Variants in CSMD3 observed in about 807,000 individuals in gnomAD.
CSMD3 encodes the protein CUB and Sushi multiple domains 3.
In CSMD3, 177 loss-of-function variants were observed where a neutral mutation model predicts 435.2. That is an observed-to-expected ratio of 0.41 (90% CI 0.36 to 0.46). CSMD3 has a LOEUF of 0.46. Ranked by LOEUF, CSMD3 falls within the 20% of genes least tolerant of loss-of-function variation. The pLI is 0.34. For synonymous variants in CSMD3, 1,656 were observed against 1,520.5 expected (o/e 1.09, Z -2.07); for missense variants, 4,265 against 4,504.6 (o/e 0.95, Z 1.52).
chr8:113,151,042 T>A lies in CSMD3; in HGVS notation c.709+22680A>T, dbSNP rs57075842. On this transcript the variant is annotated intron_variant, in intron 4 of 70. Transcript: ENST00000297405. ...AGATATCTTTTGAGAGATCAAATAATCTCCCATTAATCAATAAATAAATAT... is the reference window on the plus strand; with the variant it reads ...AGATATCTTTTGAGAGATCAAATAAACTCCCATTAATCAATAAATAAATAT... Among the ~76,000 whole-genome samples the A allele has an allele frequency of 3.6e-3, 540 of 152,024 alleles. 3 individuals are homozygous for A. The highest frequency in any genetic ancestry group is 0.012 in the African/African-American group (503 of 41,528).
intron 13 of CSMD3, among the ~76,000 whole-genome samples, chr8:112,692,337 T>C (rs1384832531): frequency 6.6e-6 from 1 of 152,178 alleles, no homozygotes; most frequent in Non-Finnish European, 1.5e-5. Context: ...TTGTAGCTTA[T>C]GTTTTGGTTT....
At chr8:112,486,527 A>C (rs1382777044) in intron 31 of CSMD3, among the ~76,000 whole-genome samples, 5 of 152,126 alleles carry the variant, frequency 3.3e-5, no homozygotes, top group African/African-American at 1.2e-4. Flanking sequence ...ATCTGTCAAC[A>C]ATCCTCCTCC....
chr8:113,030,501 C>T (rs1254607157), intron 5 of CSMD3, among the ~76,000 whole-genome samples: 1 of 147,720 alleles, frequency 6.8e-6, no homozygotes, highest in Non-Finnish European at 1.5e-5. Flanking sequence ...AACCCAAATC[C>T]TTATAGCTAA....
intron 1 of CSMD3, among the ~76,000 whole-genome samples, chr8:113,412,927 G>A (rs904611984): frequency 1.3e-5 from 2 of 152,046 alleles, no homozygotes; most frequent in East Asian, 3.9e-4. Flanking sequence ...TCATGCACAC[G>A]GACACTAGAG....
intron 9 of CSMD3, among the ~76,000 whole-genome samples, chr8:112,945,006 TTAACA>T (rs2083560429): frequency 6.6e-6 from 1 of 151,714 alleles, no homozygotes; most frequent in African/African-American, 2.4e-5. Flanking sequence ...AACTAATCAC[TTAACA>T]TATCTGCCTA....
intron 3 of CSMD3, among the ~76,000 whole-genome samples, chr8:113,217,311 AC>A (rs1366306844): frequency 6.6e-6 from 1 of 151,702 alleles, no homozygotes; most frequent in Admixed American, 6.6e-5. Context: ...AAACAAAACT[AC>A]CAAAACCTTG....
chr8:113,082,537 C>T (rs772064699), intron 5 of CSMD3, among the ~76,000 whole-genome samples: 30 of 151,906 alleles, frequency 2.0e-4, no homozygotes, highest in Non-Finnish European at 3.8e-4. Context: ...AGTGTGTACA[C>T]CAGGTACACA....
At chr8:112,668,525 A>G (rs189788501) in intron 16 of CSMD3, among the ~76,000 whole-genome samples, 1 of 152,306 alleles carries the variant, frequency 6.6e-6, no homozygotes, top group African/African-American at 2.4e-5. Flanking sequence ...CTAGCCACTC[A>G]GTGCAAAATG....
chr8:112,705,995 T>C (rs967162453), intron 13 of CSMD3, among the ~76,000 whole-genome samples: 1 of 152,080 alleles, frequency 6.6e-6, no homozygotes, highest in African/African-American at 2.4e-5. Context: ...AAGGAACTCC[T>C]TGACATTTGT....
At chr8:113,179,747 G>A (rs562083445) in intron 3 of CSMD3, among the ~76,000 whole-genome samples, 1 of 151,522 alleles carries the variant, frequency 6.6e-6, no homozygotes, top group East Asian at 1.9e-4. Flanking sequence ...CATATATAAA[G>A]GACTATAGGA....
chr8:112,433,059 A>G (rs2130417288), intron 32 of CSMD3, among the ~76,000 whole-genome samples: 1 of 152,294 alleles, frequency 6.6e-6, no homozygotes, highest in South Asian at 2.1e-4. Flanking sequence ...CATGAATTAC[A>G]GGAACAGAAA....
chr8:112,254,238 A>G lies in CSMD3; in HGVS notation c.10110+15T>C, dbSNP rs1004852947. The G allele has an allele frequency of 4.4e-6, 7 of 1,595,374 alleles. No homozygotes were observed. The highest frequency in any genetic ancestry group is 4.3e-6 in the Non-Finnish European group (5 of 1,163,362). On this transcript the variant is annotated intron_variant, in intron 63 of 70. Transcript: ENST00000297405. Reference sequence around the variant, plus strand: ...ACCTAGTATGATGCTAAATGGACATAGCTAAAGTACCCACTTGAAATCCGA... The same window carrying G: ...ACCTAGTATGATGCTAAATGGACATGGCTAAAGTACCCACTTGAAATCCGA...
chr8:112,466,626 C>G (rs1817981201), intron 32 of CSMD3, among the ~76,000 whole-genome samples: 1 of 152,118 alleles, frequency 6.6e-6, no homozygotes, highest in Admixed American at 6.5e-5. Flanking sequence ...AGTATGTATG[C>G]ATCTTATTTT....
At chr8:112,966,949 T>C (rs148288968) in intron 7 of CSMD3, among the ~76,000 whole-genome samples, 233 of 152,084 alleles carry the variant, frequency 1.5e-3, no homozygotes, top group African/African-American at 5.3e-3. Flanking sequence ...CTATGAGGAA[T>C]AGACAGTGTT....
intron 1 of CSMD3, among the ~76,000 whole-genome samples, chr8:113,341,828 C>T (rs950928289): frequency 2.6e-5 from 4 of 152,122 alleles, no homozygotes; most frequent in Non-Finnish European, 5.9e-5. Flanking sequence ...ATTGTCTAGA[C>T]TGACGAACAC....
intron 4 of CSMD3, among the ~76,000 whole-genome samples, chr8:113,155,271 C>G (rs1463377902): frequency 6.6e-6 from 1 of 151,966 alleles, no homozygotes; most frequent in Non-Finnish European, 1.5e-5. Context: ...GAACCATTCT[C>G]CAGTTCCTTA....
intron 1 of CSMD3, among the ~76,000 whole-genome samples, chr8:113,395,790 AC>A (rs1456554950): frequency 1.3e-5 from 2 of 152,094 alleles, no homozygotes; most frequent in African/African-American, 4.8e-5. Context: ...CTGATCTTGT[AC>A]CTTTGCTAAA....
intron 3 of CSMD3, among the ~76,000 whole-genome samples, chr8:113,181,469 A>C (rs1052717350): frequency 6.6e-6 from 1 of 152,112 alleles, no homozygotes; most frequent in Non-Finnish European, 1.5e-5. Context: ...ACTTTGCACC[A>C]TATACAAGGA....
At chr8:113,243,330 A>G (rs2093240063) in intron 3 of CSMD3, among the ~76,000 whole-genome samples, 1 of 152,012 alleles carries the variant, frequency 6.6e-6, no homozygotes, top group South Asian at 2.1e-4. Context: ...ATCTAATTTC[A>G]GAAATATTTT....
Sources: gnomAD v4.1 joint callset for allele counts (sites outside exome capture counted in the v4.1 genomes callset) on GRCh38, gnomAD v4.1.1 for gene constraint, MANE v1.5 for transcripts, NCBI Gene and HGNC (gene_info 2026-07-23, HGNC 2026-07-21) for gene names.